The following SLC7A14 variants were observed in gnomAD, a reference collection of about 807,000 sequenced individuals.
SLC7A14 encodes gamma-aminobutyric acid transporter SLC7A14.
Under a neutral mutation model 60.2 loss-of-function variants are expected in SLC7A14, and 37 were observed. That is an observed-to-expected ratio of 0.61 (90% CI 0.47 to 0.81). The LOEUF (loss-of-function observed/expected upper bound fraction) is 0.81. SLC7A14 is among the 30% of genes least tolerant of loss of function. SLC7A14 has a pLI of 0.00. For missense variants in SLC7A14, 886 were observed against 982.7 expected (o/e 0.90, Z 1.32); for synonymous variants, 399 against 395.8 (o/e 1.01, Z -0.10).
intron 4 of SLC7A14, among the ~76,000 whole-genome samples, chr3:170,494,487 C>T (rs1330626106): frequency 6.6e-6 from 1 of 152,076 alleles, no homozygotes; most frequent in African/African-American, 2.4e-5. Context: ...AAAGGGAGAC[C>T]CCCAAAGAGA....
intron 2 of SLC7A14, among the ~76,000 whole-genome samples, chr3:170,511,046 GA>G (rs1176679269): frequency 6.6e-6 from 1 of 152,188 alleles, no homozygotes; most frequent in Non-Finnish European, 1.5e-5. Context: ...TTATGACAAT[GA>G]AGTAAGATGT....
chr3:170,467,744 G>A (rs1300725946), intron 7 of SLC7A14, among the ~76,000 whole-genome samples: 2 of 151,958 alleles, frequency 1.3e-5, no homozygotes, highest in South Asian at 2.1e-4. Context: ...TGCTGACGTC[G>A]GGCTCATTAC....
rs113891859 is a variant in SLC7A14 at position 170,471,090 on chromosome 3, G to GGTGTGTGTGTGTGTGTGTGTGT, written c.1994-3735_1994-3714dup. Among the ~76,000 whole-genome samples the GGTGTGTGTGTGTGTGTGTGTGT allele has an allele frequency of 4.3e-3, 636 of 146,430 alleles. 9 individuals carry two copies. The highest frequency in any genetic ancestry group is 0.016 in the African/African-American group (612 of 39,182). On this transcript the variant is annotated intron_variant, in intron 7 of 7. Coordinates refer to ENST00000231706, the MANE Select transcript of SLC7A14 (RefSeq NM_020949.3). ...ACTCCCTTTAACCTGTCTGGGAAGG[G>GGTGTGTGTGTGTGTGTGTGTGT]GTGTGTGTGTGTGTGTGTGTGTGTG...
At chr3:170,493,971 T>G (rs1577510722) in intron 4 of SLC7A14, among the ~76,000 whole-genome samples, 1 of 152,132 alleles carries the variant, frequency 6.6e-6, no homozygotes, top group East Asian at 1.9e-4. Flanking sequence ...ACATTCACAA[T>G]CCCAGCCAAA....
intron 1 of SLC7A14, among the ~76,000 whole-genome samples, chr3:170,536,360 A>C (rs550800553): frequency 1.3e-5 from 2 of 152,218 alleles, no homozygotes; most frequent in Non-Finnish European, 2.9e-5. Flanking sequence ...GTGAACCATA[A>C]AAGTTTAGAA....
intron 1 of SLC7A14, among the ~76,000 whole-genome samples, chr3:170,553,475 C>T (rs930621513): frequency 4.6e-5 from 7 of 152,196 alleles, no homozygotes; most frequent in South Asian, 2.1e-4. Flanking sequence ...TTGTCATCAT[C>T]GTCGTCATCA....
chr3:170,585,349 T>C lies in SLC7A14; in HGVS notation c.-153+562A>G, dbSNP rs898387766. Among the ~76,000 whole-genome samples the C allele has an allele frequency of 6.6e-6, 1 of 152,066 alleles. No individual in the cohort carries two copies. The highest frequency in any genetic ancestry group is 1.5e-5 in the Non-Finnish European group (1 of 67,998). ...GGCGCCACCATCCTGGTCGGGGTGCTGGGCTCGGCGGGAGTCCCTTTGAGG... is the reference window on the plus strand; with the variant it reads ...GGCGCCACCATCCTGGTCGGGGTGCCGGGCTCGGCGGGAGTCCCTTTGAGG... On this transcript the variant is annotated intron_variant, in intron 1 of 7. Transcript: ENST00000231706. The surrounding 1 kb of genome is among the most constrained non-coding windows in gnomAD (Gnocchi z 5.1).
At chr3:170,556,569 C>T (rs2108307910) in intron 1 of SLC7A14, among the ~76,000 whole-genome samples, 1 of 152,258 alleles carries the variant, frequency 6.6e-6, no homozygotes, top group East Asian at 1.9e-4. Flanking sequence ...AGGTATATCT[C>T]AGTAAATCAC....
At chr3:170,494,856 T>C (rs543349494) in intron 4 of SLC7A14, among the ~76,000 whole-genome samples, 15 of 152,346 alleles carry the variant, frequency 9.8e-5, no homozygotes, top group African/African-American at 3.4e-4. Flanking sequence ...CCTTACTACT[T>C]ACTAAAGAAA....
At position 170,585,390 on chromosome 3, in the gene SLC7A14, A is replaced by C. The variant is rs1479735358; in HGVS notation, c.-153+521T>G. On this transcript the variant is annotated intron_variant, in intron 1 of 7. Transcript: ENST00000231706. This position sits in a 1 kb window ranked among gnomAD's most constrained non-coding sequence, Gnocchi z 5.1. ...CCCTTTGAGGAGTTTGCTCCCAGGT[A>C]AAAGGGCAGACGTTGCTCCCGACCT... 6.6e-6 allele frequency among the ~76,000 whole-genome samples: 1 copy of C among 152,022 alleles called. No homozygotes were observed. The highest frequency in any genetic ancestry group is 1.5e-5 in the Non-Finnish European group (1 of 67,974).
At chr3:170,536,658 G>A (rs145957473) in intron 1 of SLC7A14, among the ~76,000 whole-genome samples, 1 of 152,326 alleles carries the variant, frequency 6.6e-6, no homozygotes, top group Non-Finnish European at 1.5e-5. Flanking sequence ...AGTCCCGTAG[G>A]ACAAGCTATG....
At chr3:170,476,400 G>C (rs920036894) in intron 7 of SLC7A14, among the ~76,000 whole-genome samples, 22 of 152,220 alleles carry the variant, frequency 1.4e-4, no homozygotes, top group African/African-American at 5.3e-4. Context: ...ATCACCGGGT[G>C]CTTGTTGAAC....
chr3:170,507,837 C>T (rs367713574), intron 2 of SLC7A14, among the ~76,000 whole-genome samples: 10 of 152,270 alleles, frequency 6.6e-5, no homozygotes, highest in Admixed American at 2.6e-4. Context: ...GTGGGAGAAC[C>T]GAGGCTGGTC....
intron 7 of SLC7A14, among the ~76,000 whole-genome samples, chr3:170,470,334 GTGTGTA>G (rs1052934352): frequency 3.3e-5 from 5 of 151,622 alleles, no homozygotes; most frequent in Admixed American, 2.0e-4. Context: ...GTGTGTGTGT[GTGTGTA>G]TGTGTGTGTG....
At position 170,512,976 on chromosome 3, in the gene SLC7A14, C is replaced by A. The variant is rs114352854; in HGVS notation, c.305-11631G>T. Among the ~76,000 whole-genome samples the A allele has an allele frequency of 3.3e-5, 5 of 152,156 alleles. No individual in the cohort carries two copies. In the East Asian group the frequency reaches 9.7e-4, roughly 29 times the overall value. ...TGGCATGCACTGGGTAAACTGTGGC[C>A]GCAGTGTCTTCTGTGCACAGCTGAC... On this transcript the variant is annotated intron_variant, in intron 2 of 7. Transcript: ENST00000231706.
At chr3:170,471,412 A>T (rs1739905602) in intron 7 of SLC7A14, among the ~76,000 whole-genome samples, 1 of 152,170 alleles carries the variant, frequency 6.6e-6, no homozygotes, top group Admixed American at 6.5e-5. Context: ...TTCTCTACAG[A>T]TTGTTTTGAA....
intron 7 of SLC7A14, among the ~76,000 whole-genome samples, chr3:170,475,195 ACT>A (rs1169725659): frequency 6.6e-6 from 1 of 152,122 alleles, no homozygotes; most frequent in Non-Finnish European, 1.5e-5. Flanking sequence ...GCCTCGTTTT[ACT>A]CTCTGAGTTG....
At chr3:170,584,603 G>C (rs574005432) in intron 1 of SLC7A14, among the ~76,000 whole-genome samples, 65 of 152,296 alleles carry the variant, frequency 4.3e-4, no homozygotes, top group Non-Finnish European at 4.4e-5. Context: ...TTCTTCTCCT[G>C]TTTCTCTAGG....
intron 2 of SLC7A14, among the ~76,000 whole-genome samples, chr3:170,504,240 A>G (rs977668603): frequency 2.6e-5 from 4 of 152,206 alleles, no homozygotes; most frequent in African/African-American, 9.6e-5. Flanking sequence ...CTGGTATGTA[A>G]GAGGAACACA....
Sources: allele counts gnomAD v4.1 joint callset (sites outside exome capture counted in the v4.1 genomes callset), GRCh38; gene constraint gnomAD v4.1.1; non-coding constraint Gnocchi (gnomAD v3.1); transcripts MANE v1.5; gene names NCBI Gene and HGNC (gene_info 2026-07-23, HGNC 2026-07-21).